The following PHKA1 variants were observed in gnomAD, a reference collection of about 807,000 sequenced individuals.
PHKA1 encodes the protein phosphorylase kinase regulatory subunit alpha 1, also known as phosphorylase b kinase regulatory subunit alpha, skeletal muscle isoform.
Under a neutral mutation model 110.2 loss-of-function variants are expected in PHKA1, and 60 were observed. The observed-to-expected ratio is 0.54, with a 90% confidence interval of 0.44 to 0.68. The LOEUF (loss-of-function observed/expected upper bound fraction) is 0.68. Ranked by LOEUF, PHKA1 falls within the 30% of genes least tolerant of loss-of-function variation. The pLI is 0.00. For synonymous variants in PHKA1, 316 were observed against 333.6 expected, an observed-to-expected ratio of 0.95 and a Z score of 0.58; for missense variants, 801 against 942.5, an observed-to-expected ratio of 0.85 and a Z score of 1.97.
chrX:72,582,291 T>C (rs1405558168), intron 31 of PHKA1, 107 bp downstream of exon 31: 1 of 558,205 alleles, frequency 1.8e-6, no homozygotes, highest in Non-Finnish European at 3.1e-6. Flanking sequence ...AAAAGAAGTA[T>C]GAGGAAGAGG....
At chrX:72,685,055 A>G (rs1383519005) in intron 4 of PHKA1, among the ~76,000 whole-genome samples, 3 of 112,042 alleles carry the variant, frequency 2.7e-5, no homozygotes, top group African/African-American at 6.5e-5. Flanking sequence ...ATTATAACTT[A>G]CACACAGAAT....
chrX:72,639,333 C>T (rs1388893095), intron 14 of PHKA1, among the ~76,000 whole-genome samples: 7 of 110,966 alleles, frequency 6.3e-5, no homozygotes, highest in Non-Finnish European at 1.3e-4. Flanking sequence ...GTCAGGAGTT[C>T]GAGACCAGCC....
At chrX:72,666,082 G>A in intron 8 of PHKA1, 69 bp downstream of exon 8, 1 of 1,038,064 alleles carries the variant, frequency 9.6e-7, no homozygotes, top group South Asian at 2.0e-5. Context: ...TCATACTTAA[G>A]GCCCCCAAAG....
intron 14 of PHKA1, among the ~76,000 whole-genome samples, chrX:72,636,889 GT>G (rs1418679212): frequency 9.0e-6 from 1 of 111,267 alleles, no homozygotes; most frequent in East Asian, 2.8e-4. Context: ...AAATATGCCA[GT>G]TTTAGTGTTG....
intron 5 of PHKA1, among the ~76,000 whole-genome samples, chrX:72,681,732 C>G (rs1556315598): frequency 1.4e-5 from 1 of 71,441 alleles, no homozygotes; most frequent in African/African-American, 5.6e-5. Flanking sequence ...GGGGGTCAGC[C>G]CTCCGCCCGG....
chrX:72,645,876 G>A (rs1479635385), intron 13 of PHKA1, among the ~76,000 whole-genome samples: 2 of 112,069 alleles, frequency 1.8e-5, no homozygotes, highest in Non-Finnish European at 3.8e-5. Flanking sequence ...GTGGGGTTGG[G>A]AGGAGTAGTA....
intron 5 of PHKA1, among the ~76,000 whole-genome samples, chrX:72,683,984 T>C (rs1470489797): frequency 8.9e-6 from 1 of 112,426 alleles, no homozygotes; most frequent in Non-Finnish European, 1.9e-5. Context: ...CATTCCTGTA[T>C]AGTGTCTAAC....
chrX:72,706,410 A>C (rs1407770314), intron 2 of PHKA1, among the ~76,000 whole-genome samples: 1 of 111,874 alleles, frequency 8.9e-6, no homozygotes, highest in Non-Finnish European at 1.9e-5. Flanking sequence ...CATCTATATG[A>C]CTTTGATGCT....
In PHKA1 at chrX:72,587,458, G is replaced by A. The variant is rs896264136; in HGVS notation, c.3244-3156C>T. Among the ~76,000 whole-genome samples, 10 of 111,516 alleles carry A rather than the reference G, an allele frequency of 9.0e-5. No individual in the cohort carries two copies. The South Asian group carries it at 1.9e-3, about 21-fold the overall frequency. On this transcript the variant is annotated intron_variant, in intron 29 of 31. Transcript: ENST00000373542. The stretch of plus-strand genomic sequence containing the variant: ...GCAATAAACATGGAAAGGAACAACC[G>A]GTACCAGCCACTGCAAAAACATGCC...
intron 8 of PHKA1, among the ~76,000 whole-genome samples, chrX:72,659,343 G>A (rs1556303057): frequency 9.0e-6 from 1 of 111,170 alleles, no homozygotes; most frequent in African/African-American, 3.3e-5. Context: ...GGCTCCCCTT[G>A]TATCCTCCCT....
At chrX:72,655,761 T>C (rs1285691335) in intron 10 of PHKA1, among the ~76,000 whole-genome samples, 4 of 111,370 alleles carry the variant, frequency 3.6e-5, no homozygotes, top group African/African-American at 1.3e-4. Context: ...TAGCTGGGAC[T>C]ACAGGCGCCT....
chrX:72,621,157 A>T lies in PHKA1; in HGVS notation c.1961-256T>A, dbSNP rs993505491. Among the ~76,000 whole-genome samples, 39 of 111,512 alleles carry T rather than the reference A, an allele frequency of 3.5e-4. No individual in the cohort carries two copies. The Admixed American group carries it at 3.6e-3, about 10-fold the overall frequency. On this transcript the variant is annotated intron_variant, in intron 18 of 31. Coordinates refer to ENST00000373542, the MANE Select transcript of PHKA1 (RefSeq NM_002637.4). ...AGACAAGGTCAGGGTTCTTGAAAGC[A>T]GTATGAGCTTGTTTTACATTGGAGC...
intron 12 of PHKA1, among the ~76,000 whole-genome samples, chrX:72,651,108 G>T (rs2053424019): frequency 8.9e-6 from 1 of 112,081 alleles, no homozygotes; most frequent in African/African-American, 3.2e-5. Flanking sequence ...CAGCTTATCA[G>T]TAATTTAAGC....
chrX:72,645,738 T>C (rs1218402941), intron 13 of PHKA1, among the ~76,000 whole-genome samples: 1 of 112,073 alleles, frequency 8.9e-6, no homozygotes, highest in Non-Finnish European at 1.9e-5. Flanking sequence ...GATAAATTAG[T>C]CTTTCCCTCA....
chrX:72,692,513 T>C (rs1032235530), intron 4 of PHKA1, among the ~76,000 whole-genome samples: 5 of 112,231 alleles, frequency 4.5e-5, no homozygotes, highest in African/African-American at 1.3e-4. Flanking sequence ...TTCTCTTCGA[T>C]TGTAGTAAGT....
chrX:72,598,256 G>C (rs1556236948), intron 28 of PHKA1, among the ~76,000 whole-genome samples: 1 of 111,580 alleles, frequency 9.0e-6, no homozygotes, highest in Non-Finnish European at 1.9e-5. Flanking sequence ...CACATGAAAA[G>C]ACACTCAGTA....
At position 72,650,418 on chromosome X, in the gene PHKA1, A is replaced by G. The variant is rs782330472; in HGVS notation, c.1296T>C (p.Thr432=). ...EIDPLNRRFS[T]VPKPDVVVQV... ...GAACCACAACATCGGGCTTCGGTAC[A>G]GTAGAAAACCTGCGATTCAGGGGAT... is the stretch of plus-strand genomic sequence containing the variant. Residue 432 remains threonine (T), a synonymous_variant, in exon 13 of 32, where the codon ACT becomes ACC. Coordinates refer to ENST00000373542, the MANE Select transcript of PHKA1 (RefSeq NM_002637.4). 2 of 1,210,815 alleles carry G rather than the reference A, an allele frequency of 1.7e-6. No individual in the cohort carries two copies. The highest frequency in any genetic ancestry group is 1.8e-5 in the South Asian group (1 of 56,882).
intron 6 of PHKA1, among the ~76,000 whole-genome samples, chrX:72,668,636 C>T (rs1159330453): frequency 9.0e-6 from 1 of 111,479 alleles, no homozygotes; most frequent in Non-Finnish European, 1.9e-5. Context: ...TGAAAGTCTT[C>T]CCTGAAGAAA....
chrX:72,680,896 C>T (rs1413629827), intron 5 of PHKA1, among the ~76,000 whole-genome samples: 2 of 67,236 alleles, frequency 3.0e-5, no homozygotes, highest in Admixed American at 3.3e-4. Flanking sequence ...GAGCAGCCGC[C>T]TGCCTTGGCC....
Sources: gnomAD v4.1 joint callset for allele counts (sites outside exome capture counted in the v4.1 genomes callset) on GRCh38, gnomAD v4.1.1 for gene constraint, MANE v1.5 for transcripts, NCBI Gene and HGNC (gene_info 2026-07-23, HGNC 2026-07-21) for gene names.